PALM2AKAP2: variants seen among roughly 807,000 people sequenced by gnomAD.
PALM2AKAP2 encodes the protein PALM2-AKAP2 fusion protein.
A neutral mutation model predicts 71.5 loss-of-function variants in PALM2AKAP2; 37 were observed. The observed-to-expected ratio is 0.52, with a 90% CI of 0.40 to 0.68. PALM2AKAP2 has a LOEUF of 0.68. Among genes scored for constraint, PALM2AKAP2 ranks in the 30% least tolerant of loss-of-function variants. The pLI is 0.00. For missense variants in PALM2AKAP2, 1,224 were observed against 1,191.8 expected (o/e 1.03, Z -0.40); for synonymous variants, 468 against 478.8 (o/e 0.98, Z 0.29).
rs1460509735 is a variant in PALM2AKAP2, at chr9:110,090,320, G to T, written c.156+41465G>T. 6 of 456,260 alleles carry T rather than the reference G, an allele frequency of 1.3e-5. No individual in the cohort carries two copies. The East Asian group carries it at 4.2e-4, about 32-fold the overall frequency. The allele number at this position is 456,260 out of a possible 1,614,324, so 28.3% of individuals were successfully genotyped here. On this transcript the variant is annotated intron_variant, in intron 1 of 3. Transcript: ENST00000374525. ...TGTCCTACTGAAGAAAGGGAAACTG[G>T]GACGAAGCTGTAGGCACAGTGGGTT...
At chr9:110,004,574 C>T (rs1420871947) in intron 6 of PALM2AKAP2, among the ~76,000 whole-genome samples, 1 of 152,120 alleles carries the variant, frequency 6.6e-6, no homozygotes, top group Non-Finnish European at 1.5e-5. Flanking sequence ...TGAATGTTGG[C>T]CTGCCTTGCT....
chr9:109,666,228 G>T (rs887518744), intron 1 of PALM2AKAP2, among the ~76,000 whole-genome samples: 1 of 152,174 alleles, frequency 6.6e-6, no homozygotes, highest in Non-Finnish European at 1.5e-5. Flanking sequence ...AGATGAACCA[G>T]GTACCTCAGT....
At chr9:110,064,337 C>T (rs1201059702) in intron 1 of PALM2AKAP2, among the ~76,000 whole-genome samples, 1 of 152,182 alleles carries the variant, frequency 6.6e-6, no homozygotes, top group African/African-American at 2.4e-5. Flanking sequence ...TGTGTATGCT[C>T]ATCTTCCCAA....
chr9:110,138,533 G>T, exon 2 of PALM2AKAP2: 1 of 1,596,482 alleles, frequency 6.3e-7, no homozygotes, highest in Non-Finnish European at 8.5e-7. Context: ...CTACAAAACT[G>T]CTCCAGGTAA....
chr9:109,771,036 A>G (rs183120593), intron 1 of PALM2AKAP2, among the ~76,000 whole-genome samples: 1 of 152,336 alleles, frequency 6.6e-6, no homozygotes, highest in African/African-American at 2.4e-5. Context: ...TGTCCAATCT[A>G]TGCTTCCTCC....
chr9:110,113,740 C>G (rs1184353061), intron 1 of PALM2AKAP2, among the ~76,000 whole-genome samples: 1 of 152,072 alleles, frequency 6.6e-6, no homozygotes, highest in East Asian at 1.9e-4. Flanking sequence ...ATCATGTTGG[C>G]CAGGCTGGTC....
At chr9:109,733,079 A>T (rs958307807) in intron 1 of PALM2AKAP2, among the ~76,000 whole-genome samples, 5 of 152,184 alleles carry the variant, frequency 3.3e-5, no homozygotes, top group Non-Finnish European at 7.3e-5. Context: ...GAAGCCATTG[A>T]AATGATTTGA....
At chr9:109,847,119 T>C (rs897097683) in intron 1 of PALM2AKAP2, among the ~76,000 whole-genome samples, 1 of 147,424 alleles carries the variant, frequency 6.8e-6, no homozygotes, top group Non-Finnish European at 1.5e-5. Flanking sequence ...TGTGACCTTA[T>C]TTGGAAGAGG....
intron 3 of PALM2AKAP2, among the ~76,000 whole-genome samples, chr9:110,167,295 T>C (rs939040697): frequency 6.6e-6 from 1 of 152,242 alleles, no homozygotes; most frequent in African/African-American, 2.4e-5. Flanking sequence ...AGTGCCTTCA[T>C]TGCAGTTTGC....
intron 3 of PALM2AKAP2, among the ~76,000 whole-genome samples, chr9:109,904,398 G>A (rs1232455575): frequency 6.6e-6 from 1 of 152,148 alleles, no homozygotes. Flanking sequence ...TTATTATTAT[G>A]ACTTGGGTTT....
chr9:109,784,176 T>C (rs748713813), intron 1 of PALM2AKAP2, among the ~76,000 whole-genome samples: 40 of 152,198 alleles, frequency 2.6e-4, no homozygotes, highest in Admixed American at 5.2e-4. Flanking sequence ...ATAACAACAA[T>C]TGCCATTTAT....
intron 6 of PALM2AKAP2, among the ~76,000 whole-genome samples, chr9:110,003,453 T>C (rs1832720097): frequency 2.0e-5 from 3 of 152,190 alleles, no homozygotes; most frequent in Non-Finnish European, 4.4e-5. Flanking sequence ...CTTCCAACTA[T>C]GTGGTCAATT....
chr9:110,109,318 C>CAAAAAAAAA (rs542467637), intron 1 of PALM2AKAP2, among the ~76,000 whole-genome samples: 27 of 79,616 alleles, frequency 3.4e-4, no homozygotes, highest in African/African-American at 9.0e-4. Context: ...TCTTTGTCTC[C>CAAAAAAAAA]AAAAAAAAAA....
chr9:110,041,569 G>A (rs1833513077), intron 7 of PALM2AKAP2, among the ~76,000 whole-genome samples: 1 of 152,192 alleles, frequency 6.6e-6, no homozygotes, highest in Admixed American at 6.5e-5. Context: ...GAGAGGCCAA[G>A]TGCGAGGATG....
intron 1 of PALM2AKAP2, among the ~76,000 whole-genome samples, chr9:110,104,730 C>T (rs369112593): frequency 1.3e-5 from 2 of 152,226 alleles, no homozygotes; most frequent in East Asian, 1.9e-4. Context: ...CCTGGACTCA[C>T]TTGAGATGTT....
chr9:109,978,434 C>A (rs1247797149), intron 6 of PALM2AKAP2, among the ~76,000 whole-genome samples: 1 of 152,162 alleles, frequency 6.6e-6, no homozygotes, highest in Non-Finnish European at 1.5e-5. Context: ...AGAAGCTGAG[C>A]ATTAATGGAA....
chr9:109,775,944 A>G (rs922976499), upstream of PALM2AKAP2, among the ~76,000 whole-genome samples: 1 of 152,272 alleles, frequency 6.6e-6, no homozygotes, highest in Non-Finnish European at 1.5e-5. Flanking sequence ...AGCATCTATC[A>G]TAAAAACCAC....
chr9:109,826,964 C>T (rs866655592), intron 1 of PALM2AKAP2, among the ~76,000 whole-genome samples: 2 of 152,018 alleles, frequency 1.3e-5, no homozygotes, highest in South Asian at 2.1e-4. Flanking sequence ...AAATATAAGT[C>T]CTTGGTTTAA....
chr9:110,145,364 G>T (rs1225622229), intron 2 of PALM2AKAP2, among the ~76,000 whole-genome samples: 1 of 152,176 alleles, frequency 6.6e-6, no homozygotes, highest in African/African-American at 2.4e-5. Context: ...AGCTGCTCTT[G>T]TGAGTTCTTT....
Sources: gnomAD v4.1 joint callset for allele counts (sites outside exome capture counted in the v4.1 genomes callset) on GRCh38, gnomAD v4.1.1 for gene constraint, MANE v1.5 for transcripts, NCBI Gene and HGNC (gene_info 2026-07-23, HGNC 2026-07-21) for gene names.